VPS13A: variants seen among roughly 807,000 people sequenced by gnomAD.
The protein encoded by VPS13A is intermembrane lipid transfer protein VPS13A.
A neutral mutation model predicts 390.9 loss-of-function variants in VPS13A; 264 were observed. That is an observed-to-expected ratio of 0.68 (90% CI 0.61 to 0.75). VPS13A has a LOEUF of 0.75. VPS13A is among the 30% of genes least tolerant of loss of function. The pLI, the probability that VPS13A is intolerant of heterozygous loss-of-function variation, is 0.00. For synonymous variants in VPS13A, 1,231 were observed against 1,227.1 expected (o/e 1.00, Z -0.07); for missense variants, 3,409 against 3,733.9 (o/e 0.91, Z 2.27).
chr9:77,338,198 T>C lies in VPS13A; in HGVS notation c.6378+661T>C, dbSNP rs41289973. 824 of 152,332 alleles carry C rather than the reference T, an allele frequency of 5.4e-3. 5 individuals are homozygous for C. The highest frequency in any genetic ancestry group is 9.4e-3 in the Non-Finnish European group (641 of 68,076). 9.4% of individuals were successfully genotyped at this position (152,332 alleles called of 1,614,324 possible). A position where few individuals can be genotyped will look rare whatever the true frequency, so the allele number is the denominator to read the frequency against. On this transcript the variant is annotated intron_variant, in intron 47 of 71. Transcript: ENST00000360280. ...ACTCACTATGGCTTGTCTTGAACTC[T>C]TGGGCTCAAGTGATCCTCCCGCTTC...
chr9:77,384,529 A>G (rs1341896109), intron 68 of VPS13A: 1 of 1,607,568 alleles, frequency 6.2e-7, no homozygotes, highest in East Asian at 2.2e-5. Context: ...GTTTTCAAGC[A>G]ATTTGCCATA....
intron 17 of VPS13A, among the ~76,000 whole-genome samples, chr9:77,230,663 ACT>A (rs1455632114): frequency 6.6e-6 from 1 of 151,824 alleles, no homozygotes; most frequent in Non-Finnish European, 1.5e-5. Context: ...AGGAAGTATG[ACT>A]CTTCCAGTTT....
chr9:77,335,587 C>G (rs533364967), intron 46 of VPS13A, among the ~76,000 whole-genome samples: 10 of 152,128 alleles, frequency 6.6e-5, no homozygotes, highest in Non-Finnish European at 8.8e-5. Context: ...ATGTGGCCAA[C>G]AAATGTATGA....
chr9:77,329,681 C>G lies in VPS13A; in HGVS notation c.5992-2329C>G, dbSNP rs1047694959. Among the ~76,000 whole-genome samples, 12 of 152,118 alleles carry G rather than the reference C, an allele frequency of 7.9e-5. No homozygotes were observed. In the South Asian group the frequency reaches 2.5e-3, roughly 32 times the overall value. ...TGAGCACATGCTGTTAGAAAAATGG[C>G]ACCAATAGACTTGCTTGATGCAGGG... On this transcript the variant is annotated intron_variant, in intron 45 of 71. Coordinates refer to ENST00000360280, the MANE Select transcript of VPS13A (RefSeq NM_033305.3).
intron 71 of VPS13A, among the ~76,000 whole-genome samples, chr9:77,411,144 C>A (rs558230330): frequency 1.3e-5 from 2 of 152,270 alleles, no homozygotes; most frequent in African/African-American, 4.8e-5. Flanking sequence ...TCACTTAAAA[C>A]CACTCAACTA....
intron 3 of VPS13A, among the ~76,000 whole-genome samples, chr9:77,201,997 T>C (rs978138702): frequency 6.6e-5 from 10 of 152,176 alleles, no homozygotes; most frequent in African/African-American, 2.4e-4. Flanking sequence ...GTTTTACTGG[T>C]TTAAATATTG....
chr9:77,340,376 T>G (rs751905772), intron 49 of VPS13A, 28 bp from the exon 50 acceptor site: 1 of 1,607,686 alleles, frequency 6.2e-7, no homozygotes, highest in Admixed American at 1.7e-5. Context: ...ACATAACAGT[T>G]TTTGAGCTGT....
rs1835171253 is a variant in VPS13A, at chr9:77,416,398, G to T, written c.*392G>T. The T allele has an allele frequency of 4.9e-6, 1 of 203,476 alleles. No homozygotes were observed. Among genetic ancestry groups the T allele is most frequent in the African/African-American group, 2.4e-5 (1 of 42,212 alleles). 12.6% of individuals were successfully genotyped at this position (203,476 alleles called of 1,614,324 possible). A position where few individuals can be genotyped will look rare whatever the true frequency, so the allele number is the denominator to read the frequency against. On this transcript the variant is annotated 3_prime_UTR_variant, in exon 72 of 72. Transcript: ENST00000360280. ...GTTTAATGTTTCTAGTTCACATTTT[G>T]TACTTCTGTCATGCTTATTTCAAAC...
intron 45 of VPS13A, among the ~76,000 whole-genome samples, chr9:77,328,600 C>T (rs1265241257): frequency 6.6e-6 from 1 of 152,180 alleles, no homozygotes; most frequent in African/African-American, 2.4e-5. Context: ...ATGATCTTAG[C>T]TAGACCTTCT....
intron 29 of VPS13A, 55 bp from the exon 30 acceptor site, chr9:77,283,300 A>C (rs1400527751): frequency 1.0e-6 from 1 of 981,790 alleles, no homozygotes; most frequent in Non-Finnish European, 1.6e-6. Context: ...AAGTATAGTG[A>C]GGTAACTACT....
chr9:77,360,530 A>G lies in VPS13A; in HGVS notation c.8106-6A>G. On this transcript the variant is annotated splice_polypyrimidine_tract_variant and splice_region_variant and intron_variant, in intron 58 of 71. Transcript: ENST00000360280. ...TTTAAAAAATGTTTTCTACTTTGTA[A>G]TACAGGTATTTCAAAGTATTGATTC... The G allele has an allele frequency of 1.3e-6, 2 of 1,597,048 alleles. No homozygotes were observed. Among genetic ancestry groups the G allele is most frequent in the South Asian group, 1.1e-5 (1 of 90,684 alleles).
intron 25 of VPS13A, 61 bp downstream of exon 25, chr9:77,275,713 T>G (rs551797090): frequency 6.6e-7 from 1 of 1,514,366 alleles, no homozygotes; most frequent in Admixed American, 1.7e-5. Flanking sequence ...ATTTACAGCT[T>G]ACTATATAGT....
In VPS13A at chr9:77,418,139, A is replaced by G. The variant is rs749881087; in HGVS notation, c.*2133A>G. ...TAGCCCATTTTTCTTGAAGGTTAGAATAAGAATCTTCTTGTATTTGAAAAC... is the reference window on the plus strand; with the variant it reads ...TAGCCCATTTTTCTTGAAGGTTAGAGTAAGAATCTTCTTGTATTTGAAAAC... On this transcript the variant is annotated 3_prime_UTR_variant, in exon 72 of 72. Transcript: ENST00000360280. 4 of 152,212 alleles carry G rather than the reference A, an allele frequency of 2.6e-5. No individual in the cohort carries two copies. Among genetic ancestry groups the G allele is most frequent in the Non-Finnish European group, 5.9e-5 (4 of 68,038 alleles). The allele number at this position is 152,212 out of a possible 1,614,324, so 9.4% of individuals were successfully genotyped here. A position where few individuals can be genotyped will look rare whatever the true frequency, so the allele number is the denominator to read the frequency against.
At position 77,344,132 on chromosome 9, in the gene VPS13A, CAT is replaced by C. The variant is rs1563942885; in HGVS notation, c.7027-15_7027-14del. The C allele has an allele frequency of 6.5e-7, 1 of 1,531,172 alleles. No individual in the cohort carries two copies. The highest frequency in any genetic ancestry group is 9.0e-7 in the Non-Finnish European group (1 of 1,109,320). The allele number at this position is 1,531,172 out of a possible 1,614,324, so 94.8% of individuals were successfully genotyped here. On this transcript the variant is annotated intron_variant, in intron 50 of 71. Transcript: ENST00000360280. ...GGTGAAATCTGTTTATTTTTATAAA[CAT>C]ATATAATGTATATTTTAGTGTATCC... is the stretch of plus-strand genomic sequence containing the variant.
chr9:77,213,025 T>C lies in VPS13A; in HGVS notation c.612T>C (p.Arg204=). The C allele has an allele frequency of 1.9e-6, 3 of 1,613,892 alleles. No individual in the cohort carries two copies. Among genetic ancestry groups the C allele is most frequent in the Non-Finnish European group, 2.5e-6 (3 of 1,179,924 alleles). Residue 204 remains arginine, a synonymous_variant, in exon 8 of 72, where the codon CGT becomes CGC. Coordinates refer to ENST00000360280, the MANE Select transcript of VPS13A (RefSeq NM_033305.3). Reference sequence around the variant, plus strand: ...ATGATGAAACTGAGAAACTGGTTCGTAAGGTAAATAAATACTGTGTTTGTC... The same window carrying C: ...ATGATGAAACTGAGAAACTGGTTCGCAAGGTAAATAAATACTGTGTTTGTC... ...CLHDETEKLV[R]KLIRLDNLFA... is the part of the protein sequence containing the mutation.
At chr9:77,262,022 T>C (rs1825789649) in intron 23 of VPS13A, among the ~76,000 whole-genome samples, 1 of 152,232 alleles carries the variant, frequency 6.6e-6, no homozygotes, top group Non-Finnish European at 1.5e-5. Context: ...TTTAAATAAG[T>C]AGAACATACT....
intron 33 of VPS13A, among the ~76,000 whole-genome samples, chr9:77,301,958 T>A (rs72744283): frequency 5.8e-4 from 53 of 91,668 alleles, no homozygotes; most frequent in African/African-American, 1.7e-3. Flanking sequence ...CATAGAGATA[T>A]TTTTTTTTTT....
chr9:77,318,095 A>G (rs1829513374), intron 40 of VPS13A, 140 bp from the exon 41 acceptor site: 3 of 518,384 alleles, frequency 5.8e-6, no homozygotes, highest in African/African-American at 2.0e-5. Flanking sequence ...AAAAAATTTT[A>G]TAAACAATAA....
chr9:77,275,019 T>G (rs1444119591), intron 24 of VPS13A, among the ~76,000 whole-genome samples: 1 of 152,164 alleles, frequency 6.6e-6, no homozygotes, highest in Non-Finnish European at 1.5e-5. Flanking sequence ...TGTATATATA[T>G]GTATACAAAG....
Sources: allele counts gnomAD v4.1 joint callset (sites outside exome capture counted in the v4.1 genomes callset), GRCh38; gene constraint gnomAD v4.1.1; transcripts MANE v1.5; gene names NCBI Gene and HGNC (gene_info 2026-07-23, HGNC 2026-07-21).